The following EYS variants were observed in gnomAD, a reference collection of about 807,000 sequenced individuals.
EYS encodes the protein EGF-like photoreceptor maintenance factor.
In EYS, 250 loss-of-function variants were observed where a neutral mutation model predicts 282.1. The ratio of observed to expected loss-of-function variants is 0.89; its 90% CI spans 0.80 to 0.98. The LOEUF (loss-of-function observed/expected upper bound fraction) is 0.98. Ranked by LOEUF, EYS falls within the 50% of genes least tolerant of loss-of-function variation. The probability of loss-of-function intolerance (pLI) is 0.00; values close to 1 mark genes in which losing one functional copy is unlikely to be tolerated. For synonymous variants in EYS, 1,355 were observed against 1,282.9 expected (o/e 1.06, Z -1.20); for missense variants, 4,016 against 3,709.0 (o/e 1.08, Z -2.15).
At chr6:65,271,311 T>A (rs897956392) in intron 12 of EYS, among the ~76,000 whole-genome samples, 1 of 151,162 alleles carries the variant, frequency 6.6e-6, no homozygotes, top group Non-Finnish European at 1.5e-5. Context: ...TATGAAGGCA[T>A]GAGAACCAGA....
intron 22 of EYS, among the ~76,000 whole-genome samples, chr6:64,705,827 TG>T (rs1405347893): frequency 4.6e-5 from 3 of 65,724 alleles, no homozygotes; most frequent in African/African-American, 6.0e-5. Flanking sequence ...GGGACTGTTG[TG>T]GGGTGGGAGG....
rs376110027 is a variant in EYS, at chr6:64,721,282, G to A, written c.3443+92096C>T. ...GCTACAGGAGAGTGAAAAAAGGCAGGAAAGTGGGGCTAGGGGCAGGAAGGT... is the reference window on the plus strand; with the variant it reads ...GCTACAGGAGAGTGAAAAAAGGCAGAAAAGTGGGGCTAGGGGCAGGAAGGT... On this transcript the variant is annotated intron_variant, in intron 22 of 42. Coordinates refer to ENST00000503581, the MANE Select transcript of EYS (RefSeq NM_001142800.2). Among the ~76,000 whole-genome samples the A allele has an allele frequency of 7.2e-5, 11 of 152,260 alleles. No homozygotes were observed. The East Asian group carries it at 1.5e-3, about 21-fold the overall frequency.
chr6:64,428,878 A>G (rs1774495453), intron 28 of EYS, among the ~76,000 whole-genome samples: 1 of 152,176 alleles, frequency 6.6e-6, no homozygotes, highest in Non-Finnish European at 1.5e-5. Context: ...ATATGATAAA[A>G]TGCCTGGGTA....
At chr6:64,539,955 G>A (rs1764647215) in intron 26 of EYS, among the ~76,000 whole-genome samples, 1 of 152,126 alleles carries the variant, frequency 6.6e-6, no homozygotes, top group Non-Finnish European at 1.5e-5. Context: ...ATTGTGTCCT[G>A]AAATACCTTT....
chr6:64,248,535 CAG>C, intron 30 of EYS, among the ~76,000 whole-genome samples: 1 of 152,072 alleles, frequency 6.6e-6, no homozygotes, highest in Non-Finnish European at 1.5e-5. Context: ...GTGTACCAGT[CAG>C]GGGCTGTCAG....
rs148249559 is a variant in EYS at position 65,136,445 on chromosome 6, C to T, written c.2024-78718G>A. Among the ~76,000 whole-genome samples the T allele has an allele frequency of 5.8e-4, 88 of 152,084 alleles. 4 individuals carry two copies. The East Asian group carries it at 0.015, about 25-fold the overall frequency. ...ATTTCTAATAGGACTATCTGAGCTA[C>T]TTCGAGAAAACTAGCAAGGTCTACC... On this transcript the variant is annotated intron_variant, in intron 12 of 42. Transcript: ENST00000503581.
intron 31 of EYS, among the ~76,000 whole-genome samples, chr6:64,198,091 C>T (rs1332258343): frequency 6.6e-6 from 1 of 151,848 alleles, no homozygotes; most frequent in Non-Finnish European, 1.5e-5. Context: ...TTCCCGGGTT[C>T]ACGCCATTCT....
At chr6:65,260,965 C>A (rs985929186) in intron 12 of EYS, among the ~76,000 whole-genome samples, 1 of 152,026 alleles carries the variant, frequency 6.6e-6, no homozygotes, top group Non-Finnish European at 1.5e-5. Context: ...ATTTTCTTGT[C>A]TAAAACCTAA....
chr6:65,583,703 T>C (rs1352067610), intron 2 of EYS, among the ~76,000 whole-genome samples: 1 of 152,106 alleles, frequency 6.6e-6, no homozygotes, highest in Non-Finnish European at 1.5e-5. Flanking sequence ...AGTGGCTCTC[T>C]GTTTAAGAAA....
At chr6:64,087,772 A>G (rs927565445) in intron 31 of EYS, among the ~76,000 whole-genome samples, 4 of 152,116 alleles carry the variant, frequency 2.6e-5, no homozygotes, top group African/African-American at 9.6e-5. Flanking sequence ...CACACTATTG[A>G]TAAGTCCACC....
At chr6:65,515,398 C>T (rs911643538) in intron 2 of EYS, among the ~76,000 whole-genome samples, 83 of 152,190 alleles carry the variant, frequency 5.5e-4, no homozygotes, top group African/African-American at 1.9e-3. Context: ...CCTCAGGGAT[C>T]TAGAACTAGA....
chr6:64,164,574 ATTG>A (rs1293799464), intron 31 of EYS, among the ~76,000 whole-genome samples: 1 of 152,072 alleles, frequency 6.6e-6, no homozygotes, highest in Non-Finnish European at 1.5e-5. Flanking sequence ...CCATGTTGAT[ATTG>A]TTCACCAGTG....
intron 29 of EYS, among the ~76,000 whole-genome samples, chr6:64,362,242 A>C (rs2150409221): frequency 6.6e-6 from 1 of 151,966 alleles, no homozygotes; most frequent in Middle Eastern, 3.4e-3. Flanking sequence ...TAAGCAACAA[A>C]ATCTATACAG....
intron 1 of EYS, among the ~76,000 whole-genome samples, chr6:65,652,301 G>A (rs1451498067): frequency 2.0e-5 from 3 of 151,844 alleles, no homozygotes; most frequent in Non-Finnish European, 4.4e-5. Context: ...AGATGCAGAA[G>A]TAATTTTGTA....
At chr6:63,776,432 C>T (rs75783665) in intron 40 of EYS, among the ~76,000 whole-genome samples, 1,809 of 152,204 alleles carry the variant, frequency 0.012, 30 homozygotes, top group African/African-American at 0.042. Context: ...GGTGCTCATA[C>T]ATCCTCTCGA....
In EYS at chr6:64,355,100, T is replaced by G. The variant is rs1179816182; in HGVS notation, c.6078+33590A>C. 2.0e-5 allele frequency among the ~76,000 whole-genome samples: 3 copies of G among 151,584 alleles called. No homozygotes were observed. In the East Asian group the frequency reaches 5.8e-4, roughly 30 times the overall value. Reference sequence around the variant, plus strand: ...CTAAGTAAAAATACTCATGAAATAATAAGTTAATGTGCATACTATATCAAT... The same window carrying G: ...CTAAGTAAAAATACTCATGAAATAAGAAGTTAATGTGCATACTATATCAAT... On this transcript the variant is annotated intron_variant, in intron 29 of 42. Transcript: ENST00000503581.
chr6:64,318,573 T>C (rs573195987), intron 29 of EYS, among the ~76,000 whole-genome samples: 2 of 152,036 alleles, frequency 1.3e-5, no homozygotes, highest in African/African-American at 4.8e-5. Flanking sequence ...GAAGTTTTCA[T>C]GTTTTTATCC....
chr6:63,814,582 G>T (rs1293575464), intron 36 of EYS, among the ~76,000 whole-genome samples: 1 of 152,122 alleles, frequency 6.6e-6, no homozygotes, highest in African/African-American at 2.4e-5. Flanking sequence ...TGTTGAAAAT[G>T]CAGAGCATTA....
chr6:63,841,798 C>A (rs931972396), intron 36 of EYS, among the ~76,000 whole-genome samples: 4 of 152,104 alleles, frequency 2.6e-5, no homozygotes, highest in African/African-American at 7.2e-5. Context: ...TGTGATGTTC[C>A]CCTCCCTCTG....
Sources: allele counts gnomAD v4.1 joint callset (sites outside exome capture counted in the v4.1 genomes callset), GRCh38; gene constraint gnomAD v4.1.1; transcripts MANE v1.5; gene names NCBI Gene and HGNC (gene_info 2026-07-23, HGNC 2026-07-21).